The following THSD7B variants were observed in gnomAD, a reference collection of about 807,000 sequenced individuals.
The protein encoded by THSD7B is thrombospondin type-1 domain-containing protein 7B.
A neutral mutation model predicts 213.6 loss-of-function variants in THSD7B; 138 were observed. That is an observed-to-expected ratio of 0.65 (90% CI 0.56 to 0.74). The LOEUF (loss-of-function observed/expected upper bound fraction) is 0.74, where lower values mean the gene tolerates loss of function less well. Among genes scored for constraint, THSD7B ranks in the 30% least tolerant of loss-of-function variants. The pLI, the probability that THSD7B is intolerant of heterozygous loss-of-function variation, is 0.00. For synonymous variants in THSD7B, 742 were observed against 687.0 expected (o/e 1.08, Z -1.25); for missense variants, 1,931 against 1,991.5 (o/e 0.97, Z 0.58).
chr2:136,806,846 A>G (rs1274412661), intron 1 of THSD7B, among the ~76,000 whole-genome samples: 2 of 152,164 alleles, frequency 1.3e-5, no homozygotes, highest in Admixed American at 6.5e-5. Context: ...GCTTCTCTGG[A>G]TGGTGATAGT....
At chr2:137,029,684 G>A (rs950671226) in intron 2 of THSD7B, among the ~76,000 whole-genome samples, 3 of 152,130 alleles carry the variant, frequency 2.0e-5, no homozygotes, top group African/African-American at 7.2e-5. Flanking sequence ...CAAGTTGCTG[G>A]TCAATATTGA....
chr2:136,821,987 T>C (rs916722725), intron 1 of THSD7B, among the ~76,000 whole-genome samples: 1 of 152,090 alleles, frequency 6.6e-6, no homozygotes, highest in Non-Finnish European at 1.5e-5. Flanking sequence ...AGGAACATAA[T>C]GAAATAGCGG....
intron 14 of THSD7B, among the ~76,000 whole-genome samples, chr2:137,419,242 C>T (rs919348563): frequency 6.6e-6 from 1 of 151,512 alleles, no homozygotes; most frequent in East Asian, 2.0e-4. Context: ...TTTCTTGGCC[C>T]CTTTGCCAGC....
At chr2:137,052,638 A>G (rs969480286) in intron 2 of THSD7B, among the ~76,000 whole-genome samples, 32 of 152,086 alleles carry the variant, frequency 2.1e-4, no homozygotes, top group African/African-American at 6.5e-4. Flanking sequence ...TACATTTTTA[A>G]TTATTTCTTT....
intron 7 of THSD7B, among the ~76,000 whole-genome samples, chr2:137,222,961 T>G (rs943150420): frequency 6.6e-6 from 1 of 152,122 alleles, no homozygotes; most frequent in Non-Finnish European, 1.5e-5. Context: ...AATACTGGGC[T>G]GAAGAAATGA....
intron 14 of THSD7B, among the ~76,000 whole-genome samples, chr2:137,427,298 C>A (rs77989931): frequency 6.6e-6 from 1 of 151,910 alleles, no homozygotes; most frequent in South Asian, 2.1e-4. Flanking sequence ...TGGTATAATT[C>A]CCCCTTCCAA....
chr2:136,863,302 C>G lies in THSD7B; in HGVS notation c.-35-18842C>G, dbSNP rs79024268. ...CAGCACTCCACCTGGTCTCTGCATTCTGCATTTGTCACTATTTGATGTTGG... is the reference window on the plus strand; with the variant it reads ...CAGCACTCCACCTGGTCTCTGCATTGTGCATTTGTCACTATTTGATGTTGG... On this transcript the variant is annotated intron_variant, in intron 1 of 27. Coordinates refer to ENST00000409968, the MANE Select transcript of THSD7B (RefSeq NM_001316349.2). Among the ~76,000 whole-genome samples, 566 of 152,354 alleles carry G rather than the reference C, an allele frequency of 3.7e-3. 3 individuals carry two copies. The highest frequency in any genetic ancestry group is 0.013 in the African/African-American group (543 of 41,590).
At chr2:137,060,774 G>C (rs1558904051) in intron 3 of THSD7B, among the ~76,000 whole-genome samples, 1 of 151,870 alleles carries the variant, frequency 6.6e-6, no homozygotes, top group Non-Finnish European at 1.5e-5. Context: ...ATAGTAAATT[G>C]TAAAGCAGAG....
At chr2:137,223,606 CA>C (rs148640148) in intron 7 of THSD7B, among the ~76,000 whole-genome samples, 1 of 152,250 alleles carries the variant, frequency 6.6e-6, no homozygotes, top group African/African-American at 2.4e-5. Flanking sequence ...AAAAAGCCAA[CA>C]TTTTTTCCCT....
chr2:137,076,682 C>G (rs1687631911), intron 3 of THSD7B, among the ~76,000 whole-genome samples: 1 of 152,230 alleles, frequency 6.6e-6, no homozygotes, highest in Non-Finnish European at 1.5e-5. Context: ...CTGCGTCACT[C>G]ACGCTGGGAG....
chr2:136,784,450 A>C (rs905173102), intron 1 of THSD7B, among the ~76,000 whole-genome samples: 1 of 152,142 alleles, frequency 6.6e-6, no homozygotes, highest in Non-Finnish European at 1.5e-5. Flanking sequence ...TATTGCAAAG[A>C]TGATATTTAT....
intron 3 of THSD7B, among the ~76,000 whole-genome samples, chr2:137,091,046 G>A (rs1015780103): frequency 2.6e-5 from 4 of 152,152 alleles, no homozygotes; most frequent in African/African-American, 9.7e-5. Context: ...TTTAACCAAG[G>A]AGTGGGATAG....
intron 14 of THSD7B, among the ~76,000 whole-genome samples, chr2:137,446,715 C>T (rs937648047): frequency 7.9e-5 from 12 of 152,006 alleles, no homozygotes; most frequent in Admixed American, 2.6e-4. Flanking sequence ...ATGTATTCTG[C>T]ATATAAACTG....
intron 12 of THSD7B, among the ~76,000 whole-genome samples, chr2:137,347,340 T>C (rs1354210419): frequency 6.6e-6 from 1 of 151,648 alleles, no homozygotes; most frequent in Admixed American, 6.6e-5. Flanking sequence ...ACGAGTTACA[T>C]GTTACCATAG....
At chr2:137,294,583 C>CAAAAAAAAAAAAAAAAA (rs1210363889) in intron 12 of THSD7B, among the ~76,000 whole-genome samples, 2 of 73,238 alleles carry the variant, frequency 2.7e-5, no homozygotes. Context: ...AACTCCATCT[C>CAAAAAAAAAAAAAAAAA]AAAAAAAAAA....
intron 7 of THSD7B, among the ~76,000 whole-genome samples, chr2:137,202,386 A>T (rs1023800511): frequency 1.3e-5 from 2 of 152,128 alleles, no homozygotes; most frequent in African/African-American, 4.8e-5. Context: ...AAGTGTCCTC[A>T]TAAGAAGGAG....
chr2:137,207,549 G>A lies in THSD7B; in HGVS notation c.1724-23495G>A, dbSNP rs1044789737. 2.6e-5 allele frequency among the ~76,000 whole-genome samples: 4 copies of A among 152,000 alleles called. No homozygotes were observed. The East Asian group carries it at 7.7e-4, about 29-fold the overall frequency. ...TTGTTTGCAAGAAGAAGACCCTATC[G>A]ATAAATCATGGAGCTTAAAAGCAGG... On this transcript the variant is annotated intron_variant, in intron 7 of 27. Transcript: ENST00000409968.
Position 137,239,591 on chromosome 2 carries a change from A to C in THSD7B, c.2151-2866A>C, listed in dbSNP as rs887206084. Among the ~76,000 whole-genome samples the C allele has an allele frequency of 1.1e-3, 168 of 152,192 alleles. 1 individual carries two copies. Among genetic ancestry groups the C allele is most frequent in the Non-Finnish European group, 1.6e-4 (11 of 68,032 alleles). ...TGTATTTTTCACAGAAGAGCCATGTAGCTCTGCATTTATCAATTTAAAATT... is the reference window on the plus strand; with the variant it reads ...TGTATTTTTCACAGAAGAGCCATGTCGCTCTGCATTTATCAATTTAAAATT... On this transcript the variant is annotated intron_variant, in intron 9 of 27. Coordinates refer to ENST00000409968, the MANE Select transcript of THSD7B (RefSeq NM_001316349.2).
intron 12 of THSD7B, among the ~76,000 whole-genome samples, chr2:137,360,571 C>A (rs13402032): frequency 0.2 from 30,881 of 152,126 alleles, 3,357 homozygotes; most frequent in African/African-American, 0.27. Context: ...TATCCCTTGC[C>A]TGGCTCAGTG....
Sources: gnomAD v4.1 joint callset for allele counts (sites outside exome capture counted in the v4.1 genomes callset) on GRCh38, gnomAD v4.1.1 for gene constraint, MANE v1.5 for transcripts, NCBI Gene and HGNC (gene_info 2026-07-23, HGNC 2026-07-21) for gene names.